TMCO6: variants seen among roughly 807,000 people sequenced by gnomAD.
TMCO6 encodes the protein transmembrane and coiled-coil domain-containing protein 6.
A neutral mutation model predicts 61.8 loss-of-function variants in TMCO6; 47 were observed. The observed-to-expected ratio is 0.76, with a 90% CI of 0.60 to 0.97. The LOEUF (loss-of-function observed/expected upper bound fraction) is 0.97, where lower values mean the gene tolerates loss of function less well. TMCO6 is among the 50% of genes least tolerant of loss of function. The pLI is 0.00. For synonymous variants in TMCO6, 261 were observed against 254.2 expected, an observed-to-expected ratio of 1.03 and a Z score of -0.25; for missense variants, 557 against 601.6, an observed-to-expected ratio of 0.93 and a Z score of 0.78.
At chr5:140,605,738 CAA>C in the TMCO6 span, among the ~76,000 whole-genome samples, 1 of 38,114 alleles carries the variant, frequency 2.6e-5, no homozygotes, top group Non-Finnish European at 6.5e-5. Context: ...CACACACACA[CAA>C]AGAAAGAAGA....
chr5:140,633,871 C>A, the TMCO6 span, among the ~76,000 whole-genome samples: 7 of 150,256 alleles, frequency 4.7e-5, no homozygotes, highest in African/African-American at 1.5e-4. Flanking sequence ...CTCACTGCAA[C>A]CTCCGCCTCC....
the TMCO6 span, among the ~76,000 whole-genome samples, chr5:140,615,492 T>TG: frequency 2.0e-5 from 3 of 151,876 alleles, no homozygotes; most frequent in Non-Finnish European, 4.4e-5. Flanking sequence ...AAAACAATCT[T>TG]GGGAAAAAAA....
the TMCO6 span, chr5:140,632,353 C>T: frequency 6.2e-7 from 1 of 1,614,146 alleles, no homozygotes; most frequent in South Asian, 1.1e-5. The surrounding 1 kb of genome is among the most constrained non-coding windows in gnomAD (Gnocchi z 6.2). Context: ...GCCATCAGTC[C>T]GCGTTCGCCC....
intron 7 of TMCO6, 143 bp downstream of exon 7, chr5:140,643,184 A>G: frequency 8.2e-7 from 1 of 1,221,458 alleles, no homozygotes. Context: ...CAGGAGACCC[A>G]CAGACCTTAG....
the TMCO6 span, among the ~76,000 whole-genome samples, chr5:140,596,687 A>G: frequency 6.6e-6 from 1 of 152,226 alleles, no homozygotes; most frequent in Non-Finnish European, 1.5e-5. Context: ...CCCTAGAAAC[A>G]GGATGTCCTT....
the TMCO6 span, among the ~76,000 whole-genome samples, chr5:140,624,846 TTCTTTCTTTC>T: frequency 8.5e-6 from 1 of 117,140 alleles, no homozygotes; most frequent in Non-Finnish European, 1.7e-5. Flanking sequence ...ATTTCTTTCT[TTCTTTCTTTC>T]TTTTTTTTTT....
chr5:140,643,010 T>C lies in TMCO6; in HGVS notation c.775T>C (p.Phe259Leu), dbSNP rs1295454054. 1 of 1,613,960 alleles carries C rather than the reference T, an allele frequency of 6.2e-7. No individual in the cohort carries two copies. The highest frequency in any genetic ancestry group is 1.3e-5 in the African/African-American group (1 of 74,864). The change falls in exon 7 of 12, where the codon TTT becomes CTT. Residue 259 changes from phenylalanine (F) to leucine (L), a missense_variant. Transcript: ENST00000394671. ...PKLNPGVAVE[F>L]AWCLHYIICS... ...GCTCAACCCTGGGGTCGCTGTGGAG[T>C]TTGCCTGGTGCCTTCATTACATCAT...
intron 5 of TMCO6, 69 bp from the exon 6 acceptor site, chr5:140,642,517 A>G: frequency 6.2e-7 from 1 of 1,604,500 alleles, no homozygotes; most frequent in Non-Finnish European, 8.5e-7. Flanking sequence ...CCCTGTGCCA[A>G]GGGGCTGAAA....
chr5:140,615,378 A>G, the TMCO6 span, among the ~76,000 whole-genome samples: 1 of 152,214 alleles, frequency 6.6e-6, no homozygotes, highest in Non-Finnish European at 1.5e-5. Flanking sequence ...AAAGTGATCT[A>G]CAGATACAAT....
intron 4 of TMCO6, 84 bp downstream of exon 4, chr5:140,642,137 G>T: frequency 6.5e-7 from 1 of 1,529,896 alleles, no homozygotes; most frequent in South Asian, 1.2e-5. Flanking sequence ...GCAGGTAGGA[G>T]GAAGAAAACA....
the TMCO6 span, chr5:140,632,946 G>C: frequency 6.2e-7 from 1 of 1,614,008 alleles, no homozygotes; most frequent in Non-Finnish European, 8.5e-7. The surrounding 1 kb of genome is among the most constrained non-coding windows in gnomAD (Gnocchi z 6.2). Flanking sequence ...GTGCACCAGC[G>C]GCAGCAGCAG....
At chr5:140,609,647 C>CAAAAAAAAAA in the TMCO6 span, among the ~76,000 whole-genome samples, 38 of 142,126 alleles carry the variant, frequency 2.7e-4, no homozygotes, top group African/African-American at 9.1e-4. Context: ...TCATACACAC[C>CAAAAAAAAAA]AAAAAAAAAA....
the TMCO6 span, chr5:140,631,828 G>C: frequency 1.3e-6 from 2 of 1,519,050 alleles, no homozygotes; most frequent in South Asian, 1.3e-5. Flanking sequence ...AAGGCAGTTT[G>C]AGTCCATTCA....
At chr5:140,641,554 C>A in intron 2 of TMCO6, 111 bp from the exon 3 acceptor site, 1 of 830,698 alleles carries the variant, frequency 1.2e-6, no homozygotes, top group Non-Finnish European at 1.9e-6. Context: ...GTGTGAATGA[C>A]AAGTTCTGAA....
the TMCO6 span, chr5:140,632,132 C>T: frequency 1.2e-6 from 2 of 1,614,158 alleles, no homozygotes; most frequent in Non-Finnish European, 1.7e-6. The surrounding 1 kb of genome is among the most constrained non-coding windows in gnomAD (Gnocchi z 6.2). Flanking sequence ...GCCCAGCGAA[C>T]GACAGATTGA....
chr5:140,642,454 T>G, intron 5 of TMCO6, 35 bp downstream of exon 5: 1 of 1,608,312 alleles, frequency 6.2e-7, no homozygotes, highest in Non-Finnish European at 8.5e-7. Flanking sequence ...CAACCCTTCC[T>G]TTGCTCCTCC....
the TMCO6 span, among the ~76,000 whole-genome samples, chr5:140,624,177 C>T: frequency 6.6e-6 from 1 of 151,892 alleles, no homozygotes. Context: ...CCAGCCTGAC[C>T]AAAATGGTGA....
the TMCO6 span, among the ~76,000 whole-genome samples, chr5:140,617,455 G>A: frequency 6.6e-6 from 1 of 152,190 alleles, no homozygotes; most frequent in South Asian, 2.1e-4. Context: ...TAGGGAAGCT[G>A]AGGCAGAATT....
the TMCO6 span, among the ~76,000 whole-genome samples, chr5:140,601,571 T>C: frequency 1.3e-5 from 2 of 152,206 alleles, no homozygotes; most frequent in Admixed American, 6.5e-5. Flanking sequence ...ATTTATTTTT[T>C]TGAGACAGAG....
Sources: gnomAD v4.1 joint callset for allele counts (sites outside exome capture counted in the v4.1 genomes callset) on GRCh38, gnomAD v4.1.1 for gene constraint, Gnocchi (gnomAD v3.1) non-coding constraint, MANE v1.5 for transcripts, NCBI Gene and HGNC (gene_info 2026-07-23, HGNC 2026-07-21) for gene names.